PUM2: variants seen among roughly 807,000 people sequenced by gnomAD.
PUM2 encodes pumilio homolog 2.
In PUM2, 57 loss-of-function variants were observed where a neutral mutation model predicts 124.5. That is an observed-to-expected ratio of 0.46 (90% CI 0.37 to 0.57). PUM2 has a LOEUF of 0.57. Ranked by LOEUF, PUM2 falls within the 20% of genes least tolerant of loss-of-function variation. The pLI, the probability that PUM2 is intolerant of heterozygous loss-of-function variation, is 0.00. For missense variants in PUM2, 1,065 were observed against 1,290.6 expected (o/e 0.83, Z 2.68); for synonymous variants, 460 against 446.1 (o/e 1.03, Z -0.39).
At chr2:20,296,411 T>G (rs1042360930) in intron 8 of PUM2, among the ~76,000 whole-genome samples, 1 of 151,054 alleles carries the variant, frequency 6.6e-6, no homozygotes, top group Non-Finnish European at 1.5e-5. Flanking sequence ...AGGAGAATGG[T>G]GTGAACCCGG....
intron 10 of PUM2, among the ~76,000 whole-genome samples, chr2:20,290,148 CTTT>C (rs1673668031): frequency 6.6e-6 from 1 of 152,094 alleles, no homozygotes; most frequent in Admixed American, 6.6e-5. Context: ...TTATACTAGG[CTTT>C]CAAAGACACA....
chr2:20,341,723 G>C (rs1485753520), intron 1 of PUM2, among the ~76,000 whole-genome samples: 1 of 152,144 alleles, frequency 6.6e-6, no homozygotes, highest in African/African-American at 2.4e-5. Flanking sequence ...ATTAGTACTA[G>C]GCTGAAAGTC....
intron 13 of PUM2, among the ~76,000 whole-genome samples, chr2:20,269,093 A>T (rs1448613641): frequency 6.6e-6 from 1 of 152,070 alleles, no homozygotes; most frequent in Non-Finnish European, 1.5e-5. Context: ...TGTCAGTCAT[A>T]CTCTGCTATG....
chr2:20,329,447 A>G (rs114829380), intron 1 of PUM2, among the ~76,000 whole-genome samples: 2,141 of 151,782 alleles, frequency 0.014, 67 homozygotes, highest in African/African-American at 0.048. Flanking sequence ...AAAAAAAAAA[A>G]AAAAGAAAAG....
intron 1 of PUM2, among the ~76,000 whole-genome samples, chr2:20,335,014 C>T (rs529223269): frequency 6.6e-6 from 1 of 152,250 alleles, no homozygotes; most frequent in East Asian, 1.9e-4. Context: ...GTGGGGCAAT[C>T]ATAGCTCTCT....
chr2:20,276,320 C>CA (rs1367652423), intron 13 of PUM2, among the ~76,000 whole-genome samples: 1 of 148,680 alleles, frequency 6.7e-6, no homozygotes, highest in African/African-American at 2.5e-5. Flanking sequence ...CTGTGAATCT[C>CA]AAATAACTAA....
intron 13 of PUM2, among the ~76,000 whole-genome samples, chr2:20,275,757 T>C (rs1311743469): frequency 6.6e-6 from 1 of 151,682 alleles, no homozygotes; most frequent in Non-Finnish European, 1.5e-5. Context: ...AATACTACTA[T>C]GGGGAAGCAA....
chr2:20,278,946 T>C (rs1353103801), intron 12 of PUM2, 127 bp from the exon 13 acceptor site: 1 of 724,216 alleles, frequency 1.4e-6, no homozygotes, highest in Non-Finnish European at 2.3e-6. Flanking sequence ...TTGGAGAAGA[T>C]AATTACTGTG....
Position 20,258,295 on chromosome 2 carries a change from T to G in PUM2, c.2432A>C (p.Tyr811Ser). ...TGCTTTCTGAATAACGCGGCAGCCA[T>G]ACATCTGCAAGGCTAAGGGTAGAAC... Reference protein sequence around the residue: ...GHVLPLALQMYGCRVIQKALE... With the variant: ...GHVLPLALQMSGCRVIQKALE... The change falls in exon 16 of 21, where the codon TAT becomes TCT. Residue 811 changes from tyrosine to serine, a missense_variant. Physicochemically the swap from Tyr to Ser is moderately radical, Grantham distance 144. Transcript: ENST00000361078. 1 of 1,612,032 alleles carries G rather than the reference T, an allele frequency of 6.2e-7. No homozygotes were observed. The highest frequency in any genetic ancestry group is 8.5e-7 in the Non-Finnish European group (1 of 1,178,602).
At chr2:20,322,892 C>CA (rs1038980160) in intron 2 of PUM2, among the ~76,000 whole-genome samples, 15 of 152,136 alleles carry the variant, frequency 9.9e-5, no homozygotes, top group Non-Finnish European at 1.5e-5. Context: ...CCACAGAACA[C>CA]AAAAATGGTG....
At chr2:20,258,900 C>T (rs1665502438) in intron 15 of PUM2, among the ~76,000 whole-genome samples, 1 of 151,572 alleles carries the variant, frequency 6.6e-6, no homozygotes, top group South Asian at 2.1e-4. Flanking sequence ...ATCTCCTGAC[C>T]TCATGATCCA....
chr2:20,335,337 T>C lies in PUM2; in HGVS notation c.-18-7959A>G, dbSNP rs567257859. On this transcript the variant is annotated intron_variant, in intron 1 of 20. Transcript: ENST00000361078. ...CTGCTCAGCAAATTAAATCACTTTA[T>C]TGCAAATCTGCCAACAAACTTTTTT... Among the ~76,000 whole-genome samples, 10 of 152,374 alleles carry C rather than the reference T, an allele frequency of 6.6e-5. No homozygotes were observed. The South Asian group carries it at 8.3e-4, about 13-fold the overall frequency.
At chr2:20,285,511 G>C (rs1305940189) in intron 10 of PUM2, among the ~76,000 whole-genome samples, 1 of 152,072 alleles carries the variant, frequency 6.6e-6, no homozygotes, top group Non-Finnish European at 1.5e-5. Flanking sequence ...AAAAATGGGG[G>C]TTCAAACTCC....
chr2:20,287,443 T>C (rs867447537), intron 10 of PUM2, among the ~76,000 whole-genome samples: 1 of 152,112 alleles, frequency 6.6e-6, no homozygotes, highest in Admixed American at 6.5e-5. Context: ...GGCTGAAATT[T>C]TAAAAAGCAA....
intron 1 of PUM2, among the ~76,000 whole-genome samples, chr2:20,338,473 CAA>C (rs754279372): frequency 6.6e-6 from 1 of 152,188 alleles, no homozygotes; most frequent in South Asian, 2.1e-4. Flanking sequence ...ACAAATTCCT[CAA>C]AGTTTGGCTC....
At chr2:20,266,762 C>T (rs567475051) in intron 13 of PUM2, among the ~76,000 whole-genome samples, 3 of 151,982 alleles carry the variant, frequency 2.0e-5, no homozygotes, top group Admixed American at 6.6e-5. Flanking sequence ...AGAAACAGTT[C>T]GAGATTAAAG....
chr2:20,343,406 C>A lies in PUM2; in HGVS notation c.-19+7191G>T, dbSNP rs553082186. ...TGCACTCCAGCCTGGATGACAGAGACCCTGCCTCAAATTAAAAAAAAGTTT... is the reference window on the plus strand; with the variant it reads ...TGCACTCCAGCCTGGATGACAGAGAACCTGCCTCAAATTAAAAAAAAGTTT... On this transcript the variant is annotated intron_variant, in intron 1 of 20. Transcript: ENST00000361078. Among the ~76,000 whole-genome samples, 5 of 151,696 alleles carry A rather than the reference C, an allele frequency of 3.3e-5. No homozygotes were observed. The East Asian group carries it at 9.7e-4, about 30-fold the overall frequency.
At chr2:20,276,899 G>A (rs1311351791) in intron 13 of PUM2, among the ~76,000 whole-genome samples, 1 of 152,004 alleles carries the variant, frequency 6.6e-6, no homozygotes, top group Non-Finnish European at 1.5e-5. Flanking sequence ...GCAGAATGCT[G>A]GCCCAGTGGT....
intron 13 of PUM2, among the ~76,000 whole-genome samples, chr2:20,271,562 C>T (rs1055969307): frequency 6.6e-6 from 1 of 152,152 alleles, no homozygotes; most frequent in Non-Finnish European, 1.5e-5. Flanking sequence ...AATACTCCCG[C>T]CTCAGCCTCC....
Sources: allele counts gnomAD v4.1 joint callset (sites outside exome capture counted in the v4.1 genomes callset), GRCh38; gene constraint gnomAD v4.1.1; transcripts MANE v1.5; gene names NCBI Gene and HGNC (gene_info 2026-07-23, HGNC 2026-07-21).